TMEM63C: variants seen among roughly 807,000 people sequenced by gnomAD.
The protein encoded by TMEM63C is osmosensitive cation channel TMEM63C.
Under a neutral mutation model 99.2 loss-of-function variants are expected in TMEM63C, and 32 were observed. That is an observed-to-expected ratio of 0.32 (90% CI 0.24 to 0.43). TMEM63C has a LOEUF of 0.43. TMEM63C is among the 20% of genes least tolerant of loss of function. The pLI, the probability that TMEM63C is intolerant of heterozygous loss-of-function variation, is 1.00. For missense variants in TMEM63C, 826 were observed against 1,053.0 expected (o/e 0.78, Z 2.98); for synonymous variants, 376 against 397.9 (o/e 0.94, Z 0.66).
intron 23 of TMEM63C, among the ~76,000 whole-genome samples, chr14:77,255,116 G>A (rs1172978162): frequency 1.3e-5 from 2 of 152,068 alleles, no homozygotes; most frequent in African/African-American, 2.4e-5. Context: ...TCAGCCTCCC[G>A]AGTAGCTGGG....
intron 5 of TMEM63C, 99 bp from the exon 6 acceptor site, chr14:77,225,325 C>A: frequency 9.0e-7 from 1 of 1,114,292 alleles, no homozygotes; most frequent in Non-Finnish European, 1.3e-6. Context: ...CCGGACGCTG[C>A]CGCGGCTGCC....
chr14:77,194,558 TC>T, intron 1 of TMEM63C, among the ~76,000 whole-genome samples: 1 of 89,232 alleles, frequency 1.1e-5, no homozygotes, highest in African/African-American at 3.6e-5. Flanking sequence ...TCTTTCTCTT[TC>T]TTTCTTTCTG....
chr14:77,202,825 GCACACA>G (rs60544528), intron 1 of TMEM63C, among the ~76,000 whole-genome samples: 3,071 of 141,078 alleles, frequency 0.022, 46 homozygotes, highest in Non-Finnish European at 0.026. Context: ...ACAGGCAGGC[GCACACA>G]CACACACACA....
At chr14:77,230,449 T>C (rs1888918067) in intron 6 of TMEM63C, among the ~76,000 whole-genome samples, 1 of 152,188 alleles carries the variant, frequency 6.6e-6, no homozygotes, top group South Asian at 2.1e-4. Flanking sequence ...GGTTCAGCTA[T>C]GGGTCATTCA....
chr14:77,227,251 T>C (rs1428079131), intron 6 of TMEM63C, among the ~76,000 whole-genome samples: 2 of 152,194 alleles, frequency 1.3e-5, no homozygotes, highest in East Asian at 1.9e-4. Context: ...GCTATTCCAA[T>C]GGTCGAGGTG....
At chr14:77,186,539 A>G (rs1159552245) in intron 1 of TMEM63C, among the ~76,000 whole-genome samples, 1 of 152,044 alleles carries the variant, frequency 6.6e-6, no homozygotes, top group Non-Finnish European at 1.5e-5. Flanking sequence ...CCTTGTCTCT[A>G]CAAAAAAGTG....
chr14:77,245,478 T>C (rs866236456), intron 16 of TMEM63C, among the ~76,000 whole-genome samples: 11 of 152,248 alleles, frequency 7.2e-5, no homozygotes, highest in African/African-American at 1.7e-4. Flanking sequence ...AGAGGTTTCA[T>C]TGGACTCGCT....
At chr14:77,196,923 C>T (rs1888225494) in intron 1 of TMEM63C, among the ~76,000 whole-genome samples, 1 of 152,166 alleles carries the variant, frequency 6.6e-6, no homozygotes, top group Non-Finnish European at 1.5e-5. Flanking sequence ...GCTCCTCTTC[C>T]TCTCCTTCCA....
At position 77,248,508 on chromosome 14, in the gene TMEM63C, A is replaced by T. The variant is rs1218180008; in HGVS notation, c.1763A>T (p.Lys588Met). 6.3e-7 allele frequency: 1 copy of T among 1,581,322 alleles called. No homozygotes were observed. Among genetic ancestry groups the T allele is most frequent in the South Asian group, 1.2e-5 (1 of 86,648 alleles). ...GAGCCAGAGAGAGTCAACATCAGAA[A>T]GGTACAGACTGGCTCTCCGCTGAGC... is the stretch of plus-strand genomic sequence containing the variant. The part of the protein sequence containing the change: ...RSEPERVNIR[K>M]NQAIDFQFGR... Residue 588 changes from lysine (K) to methionine (M), a missense_variant and splice_region_variant, in exon 19 of 24, where the codon AAG becomes ATG. Transcript: ENST00000298351.
intron 1 of TMEM63C, among the ~76,000 whole-genome samples, chr14:77,183,230 C>T (rs1252363342): frequency 1.3e-5 from 2 of 152,152 alleles, no homozygotes; most frequent in African/African-American, 4.8e-5. Context: ...GGTCTTCTGA[C>T]TCCCCAGCCA....
At chr14:77,204,954 T>C (rs1055653786) in intron 1 of TMEM63C, among the ~76,000 whole-genome samples, 4 of 152,242 alleles carry the variant, frequency 2.6e-5, no homozygotes, top group Non-Finnish European at 5.9e-5. Flanking sequence ...ACATGATGCC[T>C]GCCTCCCAAG....
At chr14:77,233,741 C>T (rs1888986376) in intron 8 of TMEM63C, among the ~76,000 whole-genome samples, 1 of 152,050 alleles carries the variant, frequency 6.6e-6, no homozygotes, top group Non-Finnish European at 1.5e-5. Context: ...AAACTGGCCA[C>T]TCATGAAGAC....
chr14:77,255,925 A>T (rs1044790948), intron 23 of TMEM63C, among the ~76,000 whole-genome samples: 1 of 152,216 alleles, frequency 6.6e-6, no homozygotes, highest in Non-Finnish European at 1.5e-5. Context: ...ATTCCCTAAT[A>T]ACCTATTTTC....
intron 6 of TMEM63C, 46 bp downstream of exon 6, chr14:77,225,507 G>T (rs376281448): frequency 1.2e-6 from 2 of 1,606,794 alleles, no homozygotes; most frequent in Non-Finnish European, 1.7e-6. Flanking sequence ...TGCCTTGGGG[G>T]TGGGGGGTGG....
At chr14:77,229,491 A>AG (rs199564683) in intron 6 of TMEM63C, among the ~76,000 whole-genome samples, 9,901 of 151,628 alleles carry the variant, frequency 0.065, 529 homozygotes, top group Non-Finnish European at 0.091. Context: ...CAGGTCACCC[A>AG]GGCTGGAGTG....
chr14:77,226,730 G>A (rs1888834753), intron 6 of TMEM63C, among the ~76,000 whole-genome samples: 2 of 152,012 alleles, frequency 1.3e-5, no homozygotes, highest in Admixed American at 6.6e-5. Flanking sequence ...AGTGTGGCGG[G>A]GGAGGGTAAA....
chr14:77,225,491 C>G, intron 6 of TMEM63C, 30 bp downstream of exon 6: 1 of 1,611,540 alleles, frequency 6.2e-7, no homozygotes, highest in South Asian at 1.1e-5. Context: ...GAGCTTGTGA[C>G]CGTGTTGCCT....
chr14:77,245,680 C>T (rs1328242196), intron 16 of TMEM63C, among the ~76,000 whole-genome samples: 1 of 152,156 alleles, frequency 6.6e-6, no homozygotes, highest in Non-Finnish European at 1.5e-5. Context: ...GGAAACTCCC[C>T]CTTGTAATAC....
At position 77,252,043 on chromosome 14, in the gene TMEM63C, TGTGCATGCGTGCATGCATGC is replaced by T. The variant is rs1347142357; in HGVS notation, c.2148+154_2148+173del. On this transcript the variant is annotated intron_variant, in intron 22 of 23. Transcript: ENST00000298351. ...TCTGACTGTAGAGCGTGGAGCCCAGTGTGCATGCGTGCATGCATGCGTGCATGCCTTGCGTGCATGCGTGC... is the reference window on the plus strand; with the variant it reads ...TCTGACTGTAGAGCGTGGAGCCCAGTGTGCATGCCTTGCGTGCATGCGTGC... 616 of 718,788 alleles carry T rather than the reference TGTGCATGCGTGCATGCATGC, an allele frequency of 8.6e-4. 2 individuals carry two copies. The African/African-American group carries it at 8.9e-3, about 10-fold the overall frequency. 44.5% of individuals were successfully genotyped at this position (718,788 alleles called of 1,614,324 possible).
Sources: gnomAD v4.1 joint callset for allele counts (sites outside exome capture counted in the v4.1 genomes callset) on GRCh38, gnomAD v4.1.1 for gene constraint, MANE v1.5 for transcripts, NCBI Gene and HGNC (gene_info 2026-07-23, HGNC 2026-07-21) for gene names.